ADAD2: variants seen among roughly 807,000 people sequenced by gnomAD.
ADAD2 encodes adenosine deaminase domain containing 2.
ADAD2 carries 60 observed loss-of-function variants against 54.5 expected under a neutral mutation model. The observed-to-expected ratio is 1.10, with a 90% CI of 0.89 to 1.36. ADAD2 has a LOEUF of 1.36. Ranked by LOEUF, ADAD2 falls within the 40% of genes most tolerant of loss-of-function variation. The pLI, the probability that ADAD2 is intolerant of heterozygous loss-of-function variation, is 0.00. For synonymous variants in ADAD2, 543 were observed against 366.2 expected, an observed-to-expected ratio of 1.48 and a Z score of -5.51; for missense variants, 1,103 against 801.3, an observed-to-expected ratio of 1.38 and a Z score of -4.54.
rs2089652777 is a variant in ADAD2, at chr16:84,191,491, G to A, written c.261G>A (p.Leu87=). Residue 87 remains leucine (L), a synonymous_variant, in exon 1 of 10, where the codon TTG becomes TTA. Transcript: ENST00000315906. ...ELGAARAWEN[L]GEQMGKAPRV... is the part of the protein sequence containing the mutation. ...GGGCAGCCCGGGCGTGGGAAAACTT[G>A]GGGGAACAGATGGGGAAGGCCCCGA... The A allele has an allele frequency of 6.5e-7, 1 of 1,541,076 alleles. No homozygotes were observed. Among genetic ancestry groups the A allele is most frequent in the Non-Finnish European group, 8.7e-7 (1 of 1,145,228 alleles).
At chr16:84,196,814 A>G in intron 9 of ADAD2, 47 bp downstream of exon 9, 3 of 1,596,866 alleles carry the variant, frequency 1.9e-6, no homozygotes, top group Non-Finnish European at 2.6e-6. Flanking sequence ...CCAGCCCTGC[A>G]GTCCCTGCCC....
Position 84,196,170 on chromosome 16 carries a change from C to T in ADAD2, c.1326C>T (p.His442=), listed in dbSNP as rs1462004798. 5.0e-6 allele frequency: 8 copies of T among 1,607,348 alleles called. No individual in the cohort carries two copies. In the South Asian group the frequency reaches 7.7e-5, roughly 15 times the overall value. Residue 442 remains histidine, a synonymous_variant, in exon 8 of 10, where the codon CAC becomes CAT. Transcript: ENST00000315906. ...CTCCGACTCTGAGCAGGGCCATCCA[C>T]ACCCGGCCCTGCCTGGACAGTGTCC... ...HDPPTLSRAI[H]TRPCLDSVLG...
At chr16:84,196,489 AACCCCTTC>A in intron 8 of ADAD2, 119 bp downstream of exon 8, 1 of 606,538 alleles carries the variant, frequency 1.6e-6, no homozygotes, top group South Asian at 2.0e-5. Flanking sequence ...CCCTTCGCTC[AACCCCTTC>A]CTAGCTCCGT....
chr16:84,196,559 T>A, intron 8 of ADAD2, 88 bp from the exon 9 acceptor site: 1 of 1,569,172 alleles, frequency 6.4e-7, no homozygotes, highest in African/African-American at 1.3e-5. Context: ...ATTGTCACAG[T>A]GTGAGAGGAG....
At chr16:84,196,792 C>A in intron 9 of ADAD2, 25 bp downstream of exon 9, 2 of 1,602,206 alleles carry the variant, frequency 1.2e-6, no homozygotes, top group Non-Finnish European at 1.7e-6. Context: ...CTCCCCCCGT[C>A]CCGGTCCCTC....
chr16:84,195,128 C>T lies in ADAD2; in HGVS notation c.667C>T (p.Leu223=). The change falls in exon 4 of 10, where the codon CTG becomes TTG. Residue 223 remains leucine, a synonymous_variant. Coordinates refer to ENST00000315906, the MANE Select transcript of ADAD2 (RefSeq NM_001145400.2). ...AALVSAGFDL[L]LDERSPYWAC... ...GTTGGTGAGCGCCGGCTTTGACCTCCTGTTGGACGAGCGCTCGCCATACTG... is the reference window on the plus strand; with the variant it reads ...GTTGGTGAGCGCCGGCTTTGACCTCTTGTTGGACGAGCGCTCGCCATACTG... The T allele has an allele frequency of 6.2e-7, 1 of 1,613,670 alleles. No homozygotes were observed. The highest frequency in any genetic ancestry group is 8.5e-7 in the Non-Finnish European group (1 of 1,180,006).
At chr16:84,191,787 C>G (rs979205609) in intron 1 of ADAD2, 139 bp downstream of exon 1, 10 of 1,324,240 alleles carry the variant, frequency 7.6e-6, no homozygotes, top group Non-Finnish European at 1.0e-5. Flanking sequence ...AGGACCTGGC[C>G]TGAGCTTGGG....
At position 84,196,820 on chromosome 16, in the gene ADAD2, T is replaced by C. The variant is rs1597602108; in HGVS notation, c.1648-50T>C. 4 of 1,542,372 alleles carry C rather than the reference T, an allele frequency of 2.6e-6. No individual in the cohort carries two copies. In the East Asian group the frequency reaches 9.6e-5, roughly 37 times the overall value. On this transcript the variant is annotated intron_variant, in intron 9 of 9. Coordinates refer to ENST00000315906, the MANE Select transcript of ADAD2 (RefSeq NM_001145400.2). ...GGTCCCTCTCCAGCCCTGCAGTCCC[T>C]GCCCCCTGCAGGTACCTCCTCTCAC...
chr16:84,193,365 A>G (rs2089681919), intron 1 of ADAD2: 1 of 152,086 alleles, frequency 6.6e-6, no homozygotes, highest in Non-Finnish European at 1.5e-5. Flanking sequence ...TGTCTTTCAC[A>G]ACATTGATGT....
Position 84,196,008 on chromosome 16 carries a change from C to G in ADAD2, c.1246C>G (p.Leu416Val). Residue 416 changes from leucine (L) to valine (V), a missense_variant, in exon 7 of 10, where the codon CTG becomes GTG. Physicochemically the swap from Leu to Val is conservative, Grantham distance 32. Coordinates refer to ENST00000315906, the MANE Select transcript of ADAD2 (RefSeq NM_001145400.2). ...GCTGGGTGGTGCCCTGCTGGCCCAC[C>G]TGGTGTCCCCACTCTACAGCACCAG... is the stretch of plus-strand genomic sequence containing the variant. The part of the protein sequence containing the change: ...LGLGGALLAH[L>V]VSPLYSTSLI... 6.3e-7 allele frequency: 1 copy of G among 1,598,942 alleles called. No individual in the cohort carries two copies. The highest frequency in any genetic ancestry group is 8.5e-7 in the Non-Finnish European group (1 of 1,179,654).
chr16:84,196,406 G>T, intron 8 of ADAD2, 36 bp downstream of exon 8: 1 of 1,591,418 alleles, frequency 6.3e-7, no homozygotes, highest in African/African-American at 1.3e-5. Context: ...CTGTGGAGCA[G>T]TGCTGGTGAT....
rs1284909556 is a variant in ADAD2 at position 84,194,858 on chromosome 16, C to T, written c.560-75C>T. The T allele has an allele frequency of 1.2e-5, 18 of 1,486,450 alleles. No homozygotes were observed. In the East Asian group the frequency reaches 1.4e-4, roughly 12 times the overall value. 92.1% of individuals were successfully genotyped at this position (1,486,450 alleles called of 1,614,324 possible). A position where few individuals can be genotyped will look rare whatever the true frequency, so the allele number is the denominator to read the frequency against. On this transcript the variant is annotated intron_variant, in intron 2 of 9. Coordinates refer to ENST00000315906, the MANE Select transcript of ADAD2 (RefSeq NM_001145400.2). ...CTGGAAGATGAAAACTTCCTCTCCCCGCCTCCTTGGCTTCCTGAGGGACGG... is the reference window on the plus strand; with the variant it reads ...CTGGAAGATGAAAACTTCCTCTCCCTGCCTCCTTGGCTTCCTGAGGGACGG...
rs1193295589 is a variant in ADAD2 at position 84,197,091 on chromosome 16, G to T, written c.*117G>T. 11 of 1,033,920 alleles carry T rather than the reference G, an allele frequency of 1.1e-5. No homozygotes were observed. Among genetic ancestry groups the T allele is most frequent in the South Asian group, 1.5e-5 (1 of 65,582 alleles). The allele number at this position is 1,033,920 out of a possible 1,614,324, so 64.0% of individuals were successfully genotyped here. On this transcript the variant is annotated 3_prime_UTR_variant, in exon 10 of 10. Coordinates refer to ENST00000315906, the MANE Select transcript of ADAD2 (RefSeq NM_001145400.2). ...GTTGTGCGGGGTGAAACTGGGGCTGGAGGGAAGGAGGAGCCTGCTGTGGTT... is the reference window on the plus strand; with the variant it reads ...GTTGTGCGGGGTGAAACTGGGGCTGTAGGGAAGGAGGAGCCTGCTGTGGTT...
chr16:84,195,568 G>A lies in ADAD2; in HGVS notation c.923G>A (p.Gly308Asp), dbSNP rs749796902. 46 of 1,600,240 alleles carry A rather than the reference G, an allele frequency of 2.9e-5. No individual in the cohort carries two copies. The Middle Eastern group carries it at 8.4e-4, about 29-fold the overall frequency. Residue 308 changes from glycine (G) to aspartate (D), a missense_variant, in exon 6 of 10, where the codon GGC (glycine) becomes GAC (aspartate). Physicochemically the swap from Gly to Asp is moderately conservative, Grantham distance 94. Coordinates refer to ENST00000315906, the MANE Select transcript of ADAD2 (RefSeq NM_001145400.2). Reference sequence around the variant, plus strand: ...CAGCTCCTGCTGGCCACACAGGGGGGCCCCAAGGGCAAGGAGCAGTCCGTG... The same window carrying A: ...CAGCTCCTGCTGGCCACACAGGGGGACCCCAAGGGCAAGGAGCAGTCCGTG... Reference protein sequence around the residue: ...FRQLLLATQGGPKGKEQSVLA... With the variant: ...FRQLLLATQGDPKGKEQSVLA...
rs1388220258 is a variant in ADAD2, at chr16:84,196,934, C to T, written c.1712C>T (p.Ala571Val). 6.2e-7 allele frequency: 1 copy of T among 1,605,328 alleles called. No homozygotes were observed. ...SLLLDQQGLG[A>V]WPSKPLVGKF... ...CTCCTGGACCAGCAGGGCCTGGGGG[C>T]TTGGCCCTCGAAGCCACTGGTGGGC... The change falls in exon 10 of 10, where the codon GCT becomes GTT. Residue 571 changes from alanine (A) to valine (V), a missense_variant. Ala to Val is a moderately conservative substitution (Grantham distance 64). Transcript: ENST00000315906.
chr16:84,194,936 C>A lies in ADAD2; in HGVS notation c.563C>A (p.Ser188Tyr), dbSNP rs375514079. ...YIRSQLENPE[S>Y]PQTSSRPPLA... ...CCGCCCTCCTTGCCTCTTTCAGAGT[C>A]CCCCCAGACCTCCAGCCGGCCTCCA... The change falls in exon 3 of 10, where the codon TCC becomes TAC. Residue 188 changes from serine (S) to tyrosine (Y), a missense_variant. By Grantham distance (144) the Ser-to-Tyr change is moderately radical. Coordinates refer to ENST00000315906, the MANE Select transcript of ADAD2 (RefSeq NM_001145400.2). 1.9e-5 allele frequency: 30 copies of A among 1,606,148 alleles called. No individual in the cohort carries two copies. The highest frequency in any genetic ancestry group is 1.1e-5 in the South Asian group (1 of 89,996).
At chr16:84,192,385 A>G (rs1335264184) in intron 1 of ADAD2, among the ~76,000 whole-genome samples, 1 of 152,200 alleles carries the variant, frequency 6.6e-6, no homozygotes, top group Non-Finnish European at 1.5e-5. Flanking sequence ...CCTGGGCTCC[A>G]GCTATCTGAC....
chr16:84,192,493 C>T (rs1242473281), intron 1 of ADAD2: 1 of 152,402 alleles, frequency 6.6e-6, no homozygotes, highest in African/African-American at 2.4e-5. Context: ...ATGCTCCTTA[C>T]CTGTAAATAC....
In ADAD2 at chr16:84,191,599, C is replaced by G. The variant is rs1445515597; in HGVS notation, c.369C>G (p.Tyr123Ter). The G allele has an allele frequency of 5.2e-6, 8 of 1,551,764 alleles. No individual in the cohort carries two copies. Among genetic ancestry groups the G allele is most frequent in the Non-Finnish European group, 7.0e-6 (8 of 1,147,960 alleles). The change falls in exon 1 of 10, where the codon TAC (tyrosine) becomes TAG (stop). Residue 123 changes from tyrosine to a stop codon, truncating the protein, a stop_gained. Transcript: ENST00000315906. LOFTEE classifies it high-confidence loss of function. ...AGGCCGTGTCCTTGCTCACGGAGTA[C>G]GCGGCCAGCCTGGGCATCTTCCTGC... is the stretch of plus-strand genomic sequence containing the variant. ...ASQAVSLLTE[Y>*]AASLGIFLLF...
Sources: allele counts gnomAD v4.1 joint callset (sites outside exome capture counted in the v4.1 genomes callset), GRCh38; gene constraint gnomAD v4.1.1; transcripts MANE v1.5; gene names NCBI Gene and HGNC (gene_info 2026-07-23, HGNC 2026-07-21).